Variants in PPP1R37 observed in about 807,000 individuals in gnomAD.
PPP1R37 encodes the protein protein phosphatase 1 regulatory subunit 37.
In PPP1R37, 21 loss-of-function variants were observed where a neutral mutation model predicts 61.0. The observed-to-expected ratio is 0.34, with a 90% CI of 0.24 to 0.50. The LOEUF (loss-of-function observed/expected upper bound fraction) is 0.50. PPP1R37 is among the 20% of genes least tolerant of loss of function. PPP1R37 has a pLI of 0.98. For missense variants in PPP1R37, 910 were observed against 952.7 expected, an observed-to-expected ratio of 0.96 and a Z score of 0.59; for synonymous variants, 443 against 433.5, an observed-to-expected ratio of 1.02 and a Z score of -0.27.
chr19:45,143,792 T>G, intron 8 of PPP1R37, 159 bp downstream of exon 8: 1 of 531,948 alleles, frequency 1.9e-6, no homozygotes, highest in Non-Finnish European at 3.3e-6. Flanking sequence ...TCATTCAGCT[T>G]CTGTGCCTGT....
chr19:45,124,245 TGAA>T (rs1266926631), intron 1 of PPP1R37, among the ~76,000 whole-genome samples: 2 of 151,806 alleles, frequency 1.3e-5, no homozygotes, highest in Admixed American at 6.6e-5. Flanking sequence ...AGCTGAGAAT[TGAA>T]GAAGTAGTAA....
chr19:45,111,269 T>G (rs1346340849), intron 1 of PPP1R37, among the ~76,000 whole-genome samples: 1 of 151,134 alleles, frequency 6.6e-6, no homozygotes, highest in South Asian at 2.1e-4. Flanking sequence ...ATTATTATTA[T>G]TATTATTATT....
intron 1 of PPP1R37, among the ~76,000 whole-genome samples, chr19:45,117,393 T>TGCTG (rs1436541310): frequency 6.6e-6 from 1 of 151,792 alleles, no homozygotes; most frequent in Admixed American, 6.6e-5. Context: ...CCCGGTGGAG[T>TGCTG]GCTGGCATCA....
At position 45,130,887 on chromosome 19, in the gene PPP1R37, T is replaced by C. The variant is rs948414275; in HGVS notation, c.203-7627T>C. ...TCCAGGCTTGTCTGGACTTCCTCCCTCCCCATCCCTCCTCTGAGAGTTGAC... is the reference window on the plus strand; with the variant it reads ...TCCAGGCTTGTCTGGACTTCCTCCCCCCCCATCCCTCCTCTGAGAGTTGAC... On this transcript the variant is annotated intron_variant, in intron 1 of 12. Transcript: ENST00000221462. This position sits in a 1 kb window ranked among gnomAD's most constrained non-coding sequence, Gnocchi z 4.4. Among the ~76,000 whole-genome samples the C allele has an allele frequency of 1.3e-5, 2 of 152,076 alleles. No individual in the cohort carries two copies. Among genetic ancestry groups the C allele is most frequent in the African/African-American group, 2.4e-5 (1 of 41,412 alleles).
Position 45,093,472 on chromosome 19 carries a change from G to T in PPP1R37, c.147G>T (p.Pro49=), listed in dbSNP as rs1453715575. 1 of 1,535,348 alleles carries T rather than the reference G, an allele frequency of 6.5e-7. No homozygotes were observed. Among genetic ancestry groups the T allele is most frequent in the Non-Finnish European group, 8.7e-7 (1 of 1,146,728 alleles). Residue 49 remains proline, a synonymous_variant, in exon 1 of 13, where the codon CCG becomes CCT. Coordinates refer to ENST00000221462, the MANE Select transcript of PPP1R37 (RefSeq NM_019121.2). ...LKAAAKRVTF[P]SDEDIVSGAV... ...CTGCAGCCAAGCGCGTCACATTCCC[G>T]TCCGACGAGGATATCGTGTCTGGAG...
At chr19:45,133,725 G>A (rs974993276) in intron 1 of PPP1R37, among the ~76,000 whole-genome samples, 5 of 152,156 alleles carry the variant, frequency 3.3e-5, no homozygotes, top group Non-Finnish European at 7.4e-5. Context: ...CCTGGAAGCC[G>A]TGACTGACAA....
intron 6 of PPP1R37, 39 bp downstream of exon 6, chr19:45,142,250 C>T: frequency 6.5e-7 from 1 of 1,533,556 alleles, no homozygotes; most frequent in Non-Finnish European, 8.7e-7. Flanking sequence ...GGATGTGCAG[C>T]CTGTTGGGGG....
chr19:45,117,758 G>A (rs1209122676), intron 1 of PPP1R37, among the ~76,000 whole-genome samples: 2 of 152,210 alleles, frequency 1.3e-5, no homozygotes, highest in East Asian at 3.9e-4. Context: ...CAAAGGCTTA[G>A]GGCAGCTGGT....
chr19:45,103,770 T>C (rs1488936824), intron 1 of PPP1R37, among the ~76,000 whole-genome samples: 1 of 152,116 alleles, frequency 6.6e-6, no homozygotes, highest in African/African-American at 2.4e-5. Flanking sequence ...TTAACAGGGC[T>C]AAGCTCTTTA....
chr19:45,145,577 AGACTCG>A lies in PPP1R37; in HGVS notation c.1530_1535del (p.Ser511_Asp512del), dbSNP rs1568452380. 1 of 1,535,194 alleles carries A rather than the reference AGACTCG, an allele frequency of 6.5e-7. No individual in the cohort carries two copies. The stretch of plus-strand genomic sequence containing the variant: ...CCGCACCCAGCCCGGACTCAGACTC[AGACTCG>A]GACTCGGATGGGGAGGAAGAGGAGG... On this transcript the variant is annotated inframe_deletion, in exon 11 of 13. Coordinates refer to ENST00000221462, the MANE Select transcript of PPP1R37 (RefSeq NM_019121.2).
intron 1 of PPP1R37, among the ~76,000 whole-genome samples, chr19:45,097,410 CT>C: frequency 6.6e-6 from 1 of 151,954 alleles, no homozygotes; most frequent in Admixed American, 6.5e-5. Context: ...AGGAGCGCCC[CT>C]GGGTGAGGAG....
intron 1 of PPP1R37, among the ~76,000 whole-genome samples, chr19:45,134,716 C>T (rs1199511765): frequency 6.6e-6 from 1 of 152,028 alleles, no homozygotes; most frequent in Non-Finnish European, 1.5e-5. Context: ...CCCACCACCA[C>T]GCCCGGCTAA....
rs965345417 is a variant in PPP1R37 at position 45,121,110 on chromosome 19, G to A, written c.203-17404G>A. ...GTTTTGGGAGTGGGCGCAAAGTTAC[G>A]GCTCCACCGGTAAAGCACAGTAGAA... On this transcript the variant is annotated intron_variant, in intron 1 of 12. Coordinates refer to ENST00000221462, the MANE Select transcript of PPP1R37 (RefSeq NM_019121.2). This position sits in a 1 kb window ranked among gnomAD's most constrained non-coding sequence, Gnocchi z 4.2. 8.5e-5 allele frequency among the ~76,000 whole-genome samples: 13 copies of A among 152,182 alleles called. No individual in the cohort carries two copies. The highest frequency in any genetic ancestry group is 3.2e-3 in the Middle Eastern group (1 of 316).
chr19:45,137,957 A>G (rs1968559960), intron 1 of PPP1R37, among the ~76,000 whole-genome samples: 1 of 152,002 alleles, frequency 6.6e-6, no homozygotes, highest in Non-Finnish European at 1.5e-5. Context: ...TGGGCAACAT[A>G]GTGACACCCC....
At chr19:45,094,028 A>G (rs1238210397) in intron 1 of PPP1R37, among the ~76,000 whole-genome samples, 2 of 152,252 alleles carry the variant, frequency 1.3e-5, no homozygotes, top group Admixed American at 6.5e-5. Flanking sequence ...GAGGGAGACT[A>G]TAAACTTGGA....
chr19:45,144,540 C>T (rs938094996), intron 8 of PPP1R37: 4 of 380,414 alleles, frequency 1.1e-5, no homozygotes, highest in South Asian at 5.5e-5. Flanking sequence ...ATAAGAGTTG[C>T]CCTCCTTGGG....
In PPP1R37 at chr19:45,139,448, G is replaced by A. The variant is rs201207904; in HGVS notation, c.301-788G>A. ...CATTTGGTCGCTCTCCCACCCTGCCGGTCCCCCAGCCCCCTCCCTCGGCAC... is the reference window on the plus strand; with the variant it reads ...CATTTGGTCGCTCTCCCACCCTGCCAGTCCCCCAGCCCCCTCCCTCGGCAC... On this transcript the variant is annotated intron_variant, in intron 2 of 12. Transcript: ENST00000221462. Among the ~76,000 whole-genome samples, 10 of 152,292 alleles carry A rather than the reference G, an allele frequency of 6.6e-5. No individual in the cohort carries two copies. In the East Asian group the frequency reaches 1.4e-3, roughly 21 times the overall value.
At chr19:45,095,485 G>A (rs760604201) in intron 1 of PPP1R37, among the ~76,000 whole-genome samples, 3 of 149,258 alleles carry the variant, frequency 2.0e-5, no homozygotes, top group Non-Finnish European at 4.4e-5. Flanking sequence ...CTTTTGGGCC[G>A]GACGCCATGG....
In PPP1R37 at chr19:45,130,084, G is replaced by C. The variant is rs922918343; in HGVS notation, c.203-8430G>C. On this transcript the variant is annotated intron_variant, in intron 1 of 12. Transcript: ENST00000221462. This position sits in a 1 kb window ranked among gnomAD's most constrained non-coding sequence, Gnocchi z 4.4. Reference sequence around the variant, plus strand: ...AGGGTGCCAAGCAGGGGGATGCCTGGGCTGCAGGCATTGACTCGCCTGTGT... The same window carrying C: ...AGGGTGCCAAGCAGGGGGATGCCTGCGCTGCAGGCATTGACTCGCCTGTGT... Among the ~76,000 whole-genome samples, 2 of 152,110 alleles carry C rather than the reference G, an allele frequency of 1.3e-5. No homozygotes were observed. Among genetic ancestry groups the C allele is most frequent in the Non-Finnish European group, 2.9e-5 (2 of 68,012 alleles).
Sources: gnomAD v4.1 joint callset for allele counts (sites outside exome capture counted in the v4.1 genomes callset) on GRCh38, gnomAD v4.1.1 for gene constraint, Gnocchi (gnomAD v3.1) non-coding constraint, MANE v1.5 for transcripts, NCBI Gene and HGNC (gene_info 2026-07-23, HGNC 2026-07-21) for gene names.